The following MGAT4C variants were observed in gnomAD, a reference collection of about 807,000 sequenced individuals.
MGAT4C encodes MGAT4 family member C, also known as alpha-1,3-mannosyl-glycoprotein 4-beta-N-acetylglucosaminyltransferase C.
Under a neutral mutation model 40.1 loss-of-function variants are expected in MGAT4C, and 19 were observed. The observed-to-expected ratio is 0.47, with a 90% CI of 0.33 to 0.70. The LOEUF (loss-of-function observed/expected upper bound fraction) is 0.70. Among genes scored for constraint, MGAT4C ranks in the 30% least tolerant of loss-of-function variants. MGAT4C has a pLI of 0.02. For synonymous variants in MGAT4C, 181 were observed against 187.1 expected, an observed-to-expected ratio of 0.97 and a Z score of 0.27; for missense variants, 491 against 563.2, an observed-to-expected ratio of 0.87 and a Z score of 1.30.
intron 2 of MGAT4C, among the ~76,000 whole-genome samples, chr12:85,995,296 G>T (rs1480340292): frequency 6.6e-6 from 1 of 152,146 alleles, no homozygotes; most frequent in Non-Finnish European, 1.5e-5. Flanking sequence ...GGAGATAAAG[G>T]TACCTAGAAT....
intron 2 of MGAT4C, among the ~76,000 whole-genome samples, chr12:86,479,128 T>C (rs1215005319): frequency 6.6e-6 from 1 of 151,942 alleles, no homozygotes; most frequent in East Asian, 1.9e-4. Flanking sequence ...CTATGAAAAA[T>C]TTACATTTGT....
Position 86,543,599 on chromosome 12 carries a change from AT to A in MGAT4C, c.-228-108335del, listed in dbSNP as rs1959178971. Reference sequence around the variant, plus strand: ...ATTTATATAGAAAAATTCTAACATAATTTTTTGCCTCTTTATTTTTCAGAAT... The same window carrying A: ...ATTTATATAGAAAAATTCTAACATAATTTTTGCCTCTTTATTTTTCAGAAT... On this transcript the variant is annotated intron_variant, in intron 2 of 7. Transcript: ENST00000548651. Among the ~76,000 whole-genome samples the A allele has an allele frequency of 2.0e-5, 3 of 152,128 alleles. No individual in the cohort carries two copies. In the South Asian group the frequency reaches 6.2e-4, roughly 32 times the overall value.
chr12:86,655,223 C>G (rs1224843880), intron 2 of MGAT4C, among the ~76,000 whole-genome samples: 4 of 151,898 alleles, frequency 2.6e-5, no homozygotes, highest in Admixed American at 6.6e-5. Flanking sequence ...GTGTGATGTT[C>G]CCTGCCCTGT....
At chr12:86,784,195 T>C (rs4583046) in intron 1 of MGAT4C, among the ~76,000 whole-genome samples, 1 of 151,878 alleles carries the variant, frequency 6.6e-6, no homozygotes, top group African/African-American at 2.4e-5. Flanking sequence ...TTGTTGCAAC[T>C]ATTCTTCCAC....
At chr12:86,502,872 T>C (rs1218117891) in intron 2 of MGAT4C, among the ~76,000 whole-genome samples, 1 of 91,154 alleles carries the variant, frequency 1.1e-5, no homozygotes, top group Non-Finnish European at 2.1e-5. Context: ...CTCATATATA[T>C]ATATATATGA....
chr12:86,447,292 A>AT (rs1215690610), intron 2 of MGAT4C, among the ~76,000 whole-genome samples: 25 of 152,078 alleles, frequency 1.6e-4, no homozygotes, highest in African/African-American at 5.8e-4. Flanking sequence ...CTCCTGGCTA[A>AT]TTTTGTATTT....
chr12:86,821,809 C>A (rs1273180961), intron 1 of MGAT4C, among the ~76,000 whole-genome samples: 6 of 150,976 alleles, frequency 4.0e-5, no homozygotes, highest in Admixed American at 6.6e-5. Context: ...AAAACCCTGA[C>A]AAAGGTTTAA....
At position 86,330,287 on chromosome 12, in the gene MGAT4C, AATT is replaced by A. The variant is rs369889046; in HGVS notation, c.-57+3775_-57+3777del. Among the ~76,000 whole-genome samples the A allele has an allele frequency of 2.2e-3, 334 of 152,238 alleles. 2 individuals are homozygous for A. Among genetic ancestry groups the A allele is most frequent in the African/African-American group, 7.6e-3 (316 of 41,546 alleles). On this transcript the variant is annotated intron_variant, in intron 4 of 7. Transcript: ENST00000548651. ...CCATTAGTACGTATCATTTTTATCA[AATT>A]ATTCTTTTACATAACTGTCCATTCT...
intron 3 of MGAT4C, among the ~76,000 whole-genome samples, chr12:86,423,466 T>A (rs1956868831): frequency 6.6e-6 from 1 of 152,062 alleles, no homozygotes; most frequent in African/African-American, 2.4e-5. Context: ...TGGAATTTTC[T>A]ATGATAGAAC....
chr12:86,028,111 C>G, intron 2 of MGAT4C: 1 of 1,287,032 alleles, frequency 7.8e-7, no homozygotes, highest in Non-Finnish European at 1.0e-6. Context: ...TACCTTGCAT[C>G]TTCTGGATCC....
intron 2 of MGAT4C, among the ~76,000 whole-genome samples, chr12:86,454,575 A>G (rs1049415493): frequency 1.3e-5 from 2 of 150,668 alleles, no homozygotes; most frequent in African/African-American, 4.8e-5. Context: ...GTAGATAGAC[A>G]GACAGACACA....
chr12:86,574,443 A>G (rs1211763185), intron 2 of MGAT4C, among the ~76,000 whole-genome samples: 1 of 151,800 alleles, frequency 6.6e-6, no homozygotes, highest in East Asian at 1.9e-4. Flanking sequence ...TAACCCTAGC[A>G]CCAATTTCCT....
intron 3 of MGAT4C, among the ~76,000 whole-genome samples, chr12:86,405,585 T>TA: frequency 6.6e-6 from 1 of 151,984 alleles, no homozygotes; most frequent in Admixed American, 6.6e-5. Flanking sequence ...AAAGCAATTC[T>TA]TATCACAATT....
intron 2 of MGAT4C, among the ~76,000 whole-genome samples, chr12:86,578,659 A>G (rs1200078033): frequency 6.6e-6 from 1 of 151,770 alleles, no homozygotes; most frequent in East Asian, 1.9e-4. Context: ...ATAGTTGCTG[A>G]TATTAGCCAC....
chr12:86,369,501 T>C (rs1955676368), intron 3 of MGAT4C, among the ~76,000 whole-genome samples: 1 of 151,944 alleles, frequency 6.6e-6, no homozygotes, highest in Admixed American at 6.6e-5. Context: ...ATATCTGATA[T>C]AGGTTTTTCT....
chr12:86,823,116 GC>G (rs1186277500), intron 1 of MGAT4C, among the ~76,000 whole-genome samples: 1 of 150,068 alleles, frequency 6.7e-6, no homozygotes, highest in African/African-American at 2.4e-5. Flanking sequence ...CTAATGAGAT[GC>G]ACCAACTAAG....
intron 2 of MGAT4C, among the ~76,000 whole-genome samples, chr12:86,643,920 T>G (rs1963462877): frequency 6.6e-6 from 1 of 151,742 alleles, no homozygotes; most frequent in Non-Finnish European, 1.5e-5. Flanking sequence ...AAAAGGTGAA[T>G]TTGTTGTTTT....
chr12:86,613,885 C>T (rs1962363057), intron 2 of MGAT4C, among the ~76,000 whole-genome samples: 1 of 151,972 alleles, frequency 6.6e-6, no homozygotes, highest in African/African-American at 2.4e-5. Flanking sequence ...ATTTATTTTT[C>T]TTTTCTAGCT....
chr12:86,366,775 T>C (rs1955607335), intron 3 of MGAT4C, among the ~76,000 whole-genome samples: 2 of 152,166 alleles, frequency 1.3e-5, no homozygotes, highest in Non-Finnish European at 2.9e-5. Flanking sequence ...AATAATCCAG[T>C]AATGCAAAGA....
Sources: gnomAD v4.1 joint callset for allele counts (sites outside exome capture counted in the v4.1 genomes callset) on GRCh38, gnomAD v4.1.1 for gene constraint, MANE v1.5 for transcripts, NCBI Gene and HGNC (gene_info 2026-07-23, HGNC 2026-07-21) for gene names.